Variants in ABI2 observed in about 807,000 individuals in gnomAD.
ABI2 encodes abl interactor 2.
In ABI2, 25 loss-of-function variants were observed where a neutral mutation model predicts 59.2. The ratio of observed to expected loss-of-function variants is 0.42; its 90% CI spans 0.31 to 0.59. The LOEUF (loss-of-function observed/expected upper bound fraction) is 0.59, where lower values mean the gene tolerates loss of function less well. Ranked by LOEUF, ABI2 falls within the 20% of genes least tolerant of loss-of-function variation. The pLI is 0.14. For synonymous variants in ABI2, 213 were observed against 235.5 expected (o/e 0.90, Z 0.87); for missense variants, 545 against 681.8 (o/e 0.80, Z 2.23).
chr2:203,378,135 T>C (rs549745090), intron 2 of ABI2, among the ~76,000 whole-genome samples: 114 of 151,012 alleles, frequency 7.5e-4, no homozygotes, highest in African/African-American at 2.6e-3. Context: ...TTTTTTAAGA[T>C]GGAGTCTCGC....
At chr2:203,332,640 A>G (rs983813398) in intron 1 of ABI2, among the ~76,000 whole-genome samples, 1 of 152,196 alleles carries the variant, frequency 6.6e-6, no homozygotes, top group Admixed American at 6.5e-5. Context: ...AACAAAAATT[A>G]CACATATAAT....
intron 1 of ABI2, among the ~76,000 whole-genome samples, chr2:203,347,556 A>G (rs146253179): frequency 1.1e-4 from 16 of 152,228 alleles, no homozygotes; most frequent in South Asian, 2.1e-4. Flanking sequence ...GCGTTTATCA[A>G]TCTCCACCAT....
intron 1 of ABI2, among the ~76,000 whole-genome samples, chr2:203,364,602 G>A (rs777075357): frequency 3.3e-5 from 5 of 152,098 alleles, no homozygotes; most frequent in Admixed American, 6.6e-5. Flanking sequence ...GCATGCAAAT[G>A]TAAAATACAC....
intron 1 of ABI2, among the ~76,000 whole-genome samples, chr2:203,332,364 C>T (rs187822414): frequency 2.7e-3 from 417 of 152,160 alleles, no homozygotes; most frequent in Non-Finnish European, 3.4e-3. Context: ...CGGTGGCCCA[C>T]GCCTGTAATC....
intron 1 of ABI2, among the ~76,000 whole-genome samples, chr2:203,330,196 A>G (rs573191234): frequency 2.9e-5 from 2 of 68,914 alleles, no homozygotes; most frequent in South Asian, 6.0e-4. Flanking sequence ...CAACATTTGT[A>G]TTTGAGAATG....
intron 2 of ABI2, among the ~76,000 whole-genome samples, chr2:203,375,273 A>G (rs1423965658): frequency 6.6e-6 from 1 of 152,220 alleles, no homozygotes; most frequent in African/African-American, 2.4e-5. Flanking sequence ...TCTGTAGCAA[A>G]CAATAATTAT....
Position 203,380,346 on chromosome 2 carries a change from G to A in ABI2, c.424G>A (p.Asp142Asn). ...RPVRYIRKPI[D>N]YTILDDIGHG... ...AGTTCGTTATATTAGAAAACCTATTGACTATACAATTCTAGATGATATTGG... is the reference window on the plus strand; with the variant it reads ...AGTTCGTTATATTAGAAAACCTATTAACTATACAATTCTAGATGATATTGG... The change falls in exon 3 of 12, where the codon GAC becomes AAC. Residue 142 changes from aspartate to asparagine, a missense_variant. Coordinates refer to ENST00000261018, the MANE Select transcript of ABI2 (RefSeq NM_001375670.1). 4 of 1,593,350 alleles carry A rather than the reference G, an allele frequency of 2.5e-6. No individual in the cohort carries two copies. The highest frequency in any genetic ancestry group is 3.4e-6 in the Non-Finnish European group (4 of 1,172,586).
intron 4 of ABI2, among the ~76,000 whole-genome samples, chr2:203,388,167 G>A (rs899462420): frequency 6.6e-6 from 1 of 151,920 alleles, no homozygotes; most frequent in African/African-American, 2.4e-5. Flanking sequence ...TTTACTTAGC[G>A]TAGAAACATT....
intron 1 of ABI2, among the ~76,000 whole-genome samples, chr2:203,335,524 A>C (rs1384280418): frequency 6.6e-6 from 1 of 152,204 alleles, no homozygotes; most frequent in Non-Finnish European, 1.5e-5. Flanking sequence ...TGGCTTCCCA[A>C]AGTGCTGGGA....
At chr2:203,391,321 TTTGTTTAGAAA>T in intron 5 of ABI2, among the ~76,000 whole-genome samples, 178 bp downstream of exon 5, 1 of 152,336 alleles carries the variant, frequency 6.6e-6, no homozygotes, top group Non-Finnish European at 1.5e-5. Context: ...TTCAGAAAGA[TTTGTTTAGAAA>T]TTGTTTTTCT....
chr2:203,361,249 C>T (rs2093456611), intron 1 of ABI2, among the ~76,000 whole-genome samples: 1 of 152,142 alleles, frequency 6.6e-6, no homozygotes, highest in Non-Finnish European at 1.5e-5. Flanking sequence ...GTCATGTGTC[C>T]CTTCCTGAGG....
chr2:203,328,853 G>T (rs1428781779), intron 1 of ABI2: 2 of 343,486 alleles, frequency 5.8e-6, no homozygotes, highest in Non-Finnish European at 1.0e-5. Flanking sequence ...AGTTCTCGGC[G>T]TGGTGCGTGT....
At chr2:203,425,431 G>C (rs1326666263) in intron 11 of ABI2, among the ~76,000 whole-genome samples, 1 of 152,054 alleles carries the variant, frequency 6.6e-6, no homozygotes, top group African/African-American at 2.4e-5. Flanking sequence ...TAGAACTTCT[G>C]ATGTCAGCAG....
chr2:203,396,801 T>C lies in ABI2; in HGVS notation c.867T>C (p.Ala289=). 6.5e-7 allele frequency: 1 copy of C among 1,532,308 alleles called. No individual in the cohort carries two copies. The highest frequency in any genetic ancestry group is 8.7e-7 in the Non-Finnish European group (1 of 1,145,396). The allele number at this position is 1,532,308 out of a possible 1,614,324, so 94.9% of individuals were successfully genotyped here. A position where few individuals can be genotyped will look rare whatever the true frequency, so the allele number is the denominator to read the frequency against. Residue 289 remains alanine (A), a synonymous_variant, in exon 8 of 12, where the codon GCT becomes GCC. Transcript: ENST00000261018. The part of the protein sequence containing the change: ...PSVFPAPAGS[A]GTPPLPATSA... The stretch of plus-strand genomic sequence containing the variant: ...TCCCCTCAGCCCCTGCTGGCTCTGC[T>C]GGCACTCCTCCCCTTCCTGCTACTT...
intron 9 of ABI2, among the ~76,000 whole-genome samples, chr2:203,403,716 CTCT>C (rs1313308919): frequency 2.1e-5 from 3 of 144,568 alleles, no homozygotes; most frequent in Non-Finnish European, 4.5e-5. Context: ...GGTTTTCTGA[CTCT>C]AAGTTCCATG....
intron 2 of ABI2, among the ~76,000 whole-genome samples, chr2:203,371,430 T>A (rs2095178814): frequency 6.6e-6 from 1 of 152,222 alleles, no homozygotes; most frequent in Non-Finnish European, 1.5e-5. Flanking sequence ...ATCAGACACT[T>A]TTTTGTATTA....
At chr2:203,385,079 C>T (rs1456975212) in intron 4 of ABI2, among the ~76,000 whole-genome samples, 5 of 150,460 alleles carry the variant, frequency 3.3e-5, no homozygotes, top group African/African-American at 7.3e-5. Context: ...GTGATCCACC[C>T]GCCTCGGCCT....
chr2:203,423,457 G>A (rs1433215224), intron 11 of ABI2, among the ~76,000 whole-genome samples: 3 of 151,950 alleles, frequency 2.0e-5, no homozygotes, highest in African/African-American at 7.3e-5. Context: ...ACGGAGTCTC[G>A]CTCTGTCGCT....
At chr2:203,347,462 G>C (rs755747191) in intron 1 of ABI2, among the ~76,000 whole-genome samples, 11 of 152,142 alleles carry the variant, frequency 7.2e-5, no homozygotes, top group Non-Finnish European at 1.6e-4. Context: ...ATTACACGAA[G>C]AACCGTAGCA....
Sources: gnomAD v4.1 joint callset for allele counts (sites outside exome capture counted in the v4.1 genomes callset) on GRCh38, gnomAD v4.1.1 for gene constraint, MANE v1.5 for transcripts, NCBI Gene and HGNC (gene_info 2026-07-23, HGNC 2026-07-21) for gene names.